The following KLF7 variants were observed in gnomAD, a reference collection of about 807,000 sequenced individuals.
The protein encoded by KLF7 is KLF transcription factor 7, also known as Krueppel-like factor 7.
A neutral mutation model predicts 27.3 loss-of-function variants in KLF7; 2 were observed. The ratio of observed to expected loss-of-function variants is 0.07; its 90% CI spans 0.03 to 0.23. The LOEUF is 0.23. Ranked by LOEUF, KLF7 falls within the 10% of genes least tolerant of loss-of-function variation. KLF7 has a pLI of 1.00. For missense variants in KLF7, 221 were observed against 394.1 expected (o/e 0.56, Z 3.72); for synonymous variants, 165 against 162.4 (o/e 1.02, Z -0.12).
intron 2 of KLF7, chr2:207,121,095 A>G (rs1197963546): frequency 6.6e-6 from 1 of 152,208 alleles, no homozygotes; most frequent in Non-Finnish European, 1.5e-5. Context: ...ATGCAAGGTA[A>G]CTGCTTTCTA....
rs778965520 is a variant in KLF7 at position 207,081,206 on chromosome 2, C to T, written c.*7G>A. The stretch of plus-strand genomic sequence containing the variant: ...CGATGCCATGGCAACTCTGGCCTTT[C>T]GGTTTTTTAGATATGTCTCTTCATG... On this transcript the variant is annotated 3_prime_UTR_variant, in exon 4 of 4. Transcript: ENST00000309446. The T allele has an allele frequency of 3.5e-5, 56 of 1,613,572 alleles. 1 individual carries two copies. The highest frequency in any genetic ancestry group is 3.3e-4 in the Middle Eastern group (2 of 6,084).
intron 1 of KLF7, among the ~76,000 whole-genome samples, chr2:207,149,868 C>T (rs1481399126): frequency 5.3e-5 from 8 of 152,156 alleles, no homozygotes; most frequent in Non-Finnish European, 1.2e-4. Flanking sequence ...ATTCTGACCC[C>T]AGTGTGCCAT....
At chr2:207,092,166 G>C (rs749576667) in intron 2 of KLF7, among the ~76,000 whole-genome samples, 1 of 152,076 alleles carries the variant, frequency 6.6e-6, no homozygotes, top group Non-Finnish European at 1.5e-5. Context: ...ATGCTGTATC[G>C]CACTTGGAAT....
chr2:207,084,281 C>G (rs945261878), intron 3 of KLF7, among the ~76,000 whole-genome samples: 1 of 152,078 alleles, frequency 6.6e-6, no homozygotes, highest in Admixed American at 6.6e-5. Flanking sequence ...CTTTCTATAT[C>G]CTGGGAACTC....
intron 2 of KLF7, chr2:207,121,874 G>C (rs2077350109): frequency 6.6e-6 from 1 of 152,230 alleles, no homozygotes. Flanking sequence ...AAGAATCTCT[G>C]CTTTCCCAGA....
At chr2:207,134,154 A>ATTTT (rs35538720) in intron 1 of KLF7, 216,538 of 1,094,744 alleles carry the variant, frequency 0.2, 7,535 homozygotes, top group East Asian at 0.27. Flanking sequence ...GGCTACTGGG[A>ATTTT]TTTTTTTTTT....
upstream of KLF7, chr2:207,165,990 A>AT (rs1244446638): frequency 1.0e-6 from 1 of 992,126 alleles, no homozygotes; most frequent in South Asian, 4.6e-5. Flanking sequence ...GGGAGGTTGC[A>AT]TTTTTTTCTC....
chr2:207,166,906 C>G (rs571158039), upstream of KLF7: 8 of 1,056,080 alleles, frequency 7.6e-6, no homozygotes, highest in Admixed American at 4.9e-5. Context: ...CGCCCGCCCC[C>G]CGCTTGCGCA....
chr2:207,080,881 C>T lies in KLF7; in HGVS notation c.*332G>A, dbSNP rs776989656. 7.9e-5 allele frequency: 33 copies of T among 416,478 alleles called. No homozygotes were observed. The highest frequency in any genetic ancestry group is 1.3e-4 in the Non-Finnish European group (30 of 236,490). 25.8% of individuals were successfully genotyped at this position (416,478 alleles called of 1,614,324 possible). A position where few individuals can be genotyped will look rare whatever the true frequency, so the allele number is the denominator to read the frequency against. Reference sequence around the variant, plus strand: ...TTTCTTTGATTTCCATTGGCAACAGCGGGAAATAATTCCAATAGTGCTGAA... The same window carrying T: ...TTTCTTTGATTTCCATTGGCAACAGTGGGAAATAATTCCAATAGTGCTGAA... On this transcript the variant is annotated 3_prime_UTR_variant, in exon 4 of 4. Coordinates refer to ENST00000309446, the MANE Select transcript of KLF7 (RefSeq NM_003709.4).
chr2:207,166,816 G>A (rs1162936894), upstream of KLF7: 3 of 1,012,458 alleles, frequency 3.0e-6, no homozygotes, highest in East Asian at 8.9e-5. Flanking sequence ...GGGCTGCCAG[G>A]GTGCAGAGAA....
intron 2 of KLF7, among the ~76,000 whole-genome samples, chr2:207,097,114 G>A (rs2076649183): frequency 1.3e-5 from 2 of 152,220 alleles, no homozygotes. Context: ...AAGAACCATT[G>A]CTGTAGTGGG....
At chr2:207,087,301 T>C (rs2076412442) in intron 3 of KLF7, among the ~76,000 whole-genome samples, 1 of 151,890 alleles carries the variant, frequency 6.6e-6, no homozygotes, top group East Asian at 1.9e-4. Flanking sequence ...GAAAATAGCT[T>C]CCCAGGAAGA....
At chr2:207,147,584 C>T (rs1574563408) in intron 1 of KLF7, among the ~76,000 whole-genome samples, 1 of 152,058 alleles carries the variant, frequency 6.6e-6, no homozygotes, top group African/African-American at 2.4e-5. Context: ...GTGGCTGGGG[C>T]GGAGGAGTCT....
intron 1 of KLF7, among the ~76,000 whole-genome samples, chr2:207,137,769 G>A (rs944094195): frequency 1.4e-4 from 21 of 152,086 alleles, no homozygotes; most frequent in African/African-American, 3.9e-4. Flanking sequence ...TAAATCTTTC[G>A]TTGTCCCTAG....
At chr2:207,097,984 C>T (rs1375665123) in intron 2 of KLF7, among the ~76,000 whole-genome samples, 1 of 152,140 alleles carries the variant, frequency 6.6e-6, no homozygotes, top group East Asian at 1.9e-4. Context: ...TTAGGTATTA[C>T]TATAATTTTC....
chr2:207,124,756 G>C (rs1262563044), intron 1 of KLF7, among the ~76,000 whole-genome samples: 3 of 152,154 alleles, frequency 2.0e-5, no homozygotes, highest in Non-Finnish European at 4.4e-5. Flanking sequence ...TATCATGCAA[G>C]CAAGAAGCAA....
chr2:207,095,283 C>T (rs944483762), intron 2 of KLF7, among the ~76,000 whole-genome samples: 3 of 151,964 alleles, frequency 2.0e-5, no homozygotes, highest in Non-Finnish European at 4.4e-5. Flanking sequence ...CTCCTGACCT[C>T]GTGATCCGCC....
In KLF7 at chr2:207,076,402, C is replaced by T. The variant is rs760527642; in HGVS notation, c.*4811G>A. 6.6e-6 allele frequency: 1 copy of T among 152,042 alleles called. No homozygotes were observed. Among genetic ancestry groups the T allele is most frequent in the African/African-American group, 2.4e-5 (1 of 41,394 alleles). The allele number at this position is 152,042 out of a possible 1,614,324, so 9.4% of individuals were successfully genotyped here. ...AGGATTTCTCTCTCTGTTTTTGACA[C>T]CTGTTTCCCGAGGACTTTTATGTTA... On this transcript the variant is annotated 3_prime_UTR_variant, in exon 4 of 4. Transcript: ENST00000309446.
chr2:207,115,087 G>A (rs940582045), intron 2 of KLF7, among the ~76,000 whole-genome samples: 3 of 151,104 alleles, frequency 2.0e-5, no homozygotes, highest in African/African-American at 7.3e-5. Context: ...GTTTTAATCT[G>A]TAAATGTATT....
Sources: allele counts gnomAD v4.1 joint callset (sites outside exome capture counted in the v4.1 genomes callset), GRCh38; gene constraint gnomAD v4.1.1; transcripts MANE v1.5; gene names NCBI Gene and HGNC (gene_info 2026-07-23, HGNC 2026-07-21).